The following CFDP1 variants were observed in gnomAD, a reference collection of about 807,000 sequenced individuals.
CFDP1 encodes the protein heterochromatin-stabilizing protein CFDP1.
Under a neutral mutation model 40.1 loss-of-function variants are expected in CFDP1, and 31 were observed. That is an observed-to-expected ratio of 0.77 (90% CI 0.58 to 1.04). The LOEUF (loss-of-function observed/expected upper bound fraction) is 1.04, where lower values mean the gene tolerates loss of function less well. CFDP1 is among the 50% of genes least tolerant of loss of function. CFDP1 has a pLI of 0.00. For synonymous variants in CFDP1, 167 were observed against 120.0 expected (o/e 1.39, Z -2.56); for missense variants, 423 against 343.4 (o/e 1.23, Z -1.83).
At position 75,319,047 on chromosome 16, in the gene CFDP1, CTTTA is replaced by C. The variant is rs1218641777; in HGVS notation, c.651-13869_651-13866del. Among the ~76,000 whole-genome samples, 4 of 151,704 alleles carry C rather than the reference CTTTA, an allele frequency of 2.6e-5. No individual in the cohort carries two copies. In the East Asian group the frequency reaches 5.8e-4, roughly 22 times the overall value. Reference sequence around the variant, plus strand: ...TTACTCCCTCTCAATACCAAACTTACTTTATTTATTTATTTTTTTGAGATGAAGT... The same window carrying C: ...TTACTCCCTCTCAATACCAAACTTACTTTATTTATTTTTTTGAGATGAAGT... On this transcript the variant is annotated intron_variant, in intron 5 of 6. Coordinates refer to ENST00000283882, the MANE Select transcript of CFDP1 (RefSeq NM_006324.3).
At chr16:75,408,657 T>A (rs1460565262) in intron 4 of CFDP1, among the ~76,000 whole-genome samples, 1 of 151,494 alleles carries the variant, frequency 6.6e-6, no homozygotes, top group African/African-American at 2.4e-5. Context: ...GCACCTGTAA[T>A]CCCAGCCACT....
chr16:75,412,536 T>A lies in CFDP1; in HGVS notation c.401A>T (p.Lys134Met), dbSNP rs753409269. The A allele has an allele frequency of 1.2e-6, 2 of 1,612,648 alleles. No homozygotes were observed. The highest frequency in any genetic ancestry group is 1.7e-6 in the Non-Finnish European group (2 of 1,178,620). The change falls in exon 3 of 7, where the codon AAG becomes ATG. Residue 134 changes from lysine (K) to methionine (M), a missense_variant and splice_region_variant. Transcript: ENST00000283882. ...CACCTCACTAATGTCTCAACTTACCTTAACTTGTGTACTTGGGGGCACTTT... is the reference window on the plus strand; with the variant it reads ...CACCTCACTAATGTCTCAACTTACCATAACTTGTGTACTTGGGGGCACTTT... The part of the protein sequence containing the change: ...KSKVPPSTQV[K>M]KGEETEETSS...
chr16:75,398,349 A>C (rs923845513), intron 4 of CFDP1, among the ~76,000 whole-genome samples: 17 of 152,282 alleles, frequency 1.1e-4, no homozygotes, highest in African/African-American at 3.8e-4. Flanking sequence ...GGTTGCCACA[A>C]ATTTCCCATC....
At chr16:75,394,956 T>C (rs1166440991) in intron 5 of CFDP1, 134 bp downstream of exon 5, 16 of 1,110,126 alleles carry the variant, frequency 1.4e-5, no homozygotes, top group African/African-American at 4.7e-5. Flanking sequence ...CTGGTAAATA[T>C]TGCAGCAAAG....
At chr16:75,398,912 C>T (rs1331103238) in intron 4 of CFDP1, among the ~76,000 whole-genome samples, 1 of 152,050 alleles carries the variant, frequency 6.6e-6, no homozygotes, top group Non-Finnish European at 1.5e-5. Context: ...AAAAAATTAG[C>T]CAGGCATGGT....
At chr16:75,307,257 C>G (rs2078265052) in intron 5 of CFDP1, among the ~76,000 whole-genome samples, 1 of 151,632 alleles carries the variant, frequency 6.6e-6, no homozygotes, top group Admixed American at 6.6e-5. Flanking sequence ...CTCTTGTTGC[C>G]CAGGCTGGAG....
chr16:75,331,424 C>A (rs994980035), intron 5 of CFDP1, among the ~76,000 whole-genome samples: 7 of 152,096 alleles, frequency 4.6e-5, no homozygotes, highest in Non-Finnish European at 8.8e-5. Flanking sequence ...GCCTGAAATG[C>A]ACAGATTAAA....
At chr16:75,337,843 G>C in intron 5 of CFDP1, among the ~76,000 whole-genome samples, 1 of 152,134 alleles carries the variant, frequency 6.6e-6, no homozygotes, top group East Asian at 1.9e-4. Context: ...TTTGGGCGGG[G>C]CACTAATCCA....
intron 5 of CFDP1, among the ~76,000 whole-genome samples, chr16:75,311,732 T>C (rs906507697): frequency 1.3e-5 from 2 of 152,086 alleles, no homozygotes; most frequent in African/African-American, 4.8e-5. Flanking sequence ...TTCCTTAGTA[T>C]TTGTCATCTG....
intron 4 of CFDP1, among the ~76,000 whole-genome samples, chr16:75,399,850 C>T (rs2079033506): frequency 6.6e-6 from 1 of 151,994 alleles, no homozygotes; most frequent in Admixed American, 6.6e-5. Flanking sequence ...GCCTGTAACC[C>T]CAGCATTTTG....
At chr16:75,403,885 A>C (rs908114355) in intron 4 of CFDP1, among the ~76,000 whole-genome samples, 1 of 152,056 alleles carries the variant, frequency 6.6e-6, no homozygotes. Context: ...TAATCCCAGC[A>C]CTTTGGGAGG....
At chr16:75,301,085 T>C (rs138344396) in intron 6 of CFDP1, among the ~76,000 whole-genome samples, 59 of 152,254 alleles carry the variant, frequency 3.9e-4, no homozygotes, top group East Asian at 1.2e-3. Flanking sequence ...AGGTCAGTAA[T>C]GGCAGGTGGG....
At chr16:75,303,045 C>T (rs567488611) in intron 6 of CFDP1, among the ~76,000 whole-genome samples, 2 of 152,098 alleles carry the variant, frequency 1.3e-5, no homozygotes, top group East Asian at 3.9e-4. Flanking sequence ...ACTAAAAATA[C>T]AAAAATTAGC....
rs371167718 is a variant in CFDP1 at position 75,352,751 on chromosome 16, T to C, written c.650+42339A>G. 1.3e-4 allele frequency among the ~76,000 whole-genome samples: 20 copies of C among 152,264 alleles called. 3 individuals are homozygous for C. Among genetic ancestry groups the C allele is most frequent in the Admixed American group, 6.5e-4 (10 of 15,288 alleles). ...CTGGTTTTCACTTCCAGTACAGTAT[T>C]TGATAAACTACATAAGATATTCAAC... On this transcript the variant is annotated intron_variant, in intron 5 of 6. Transcript: ENST00000283882.
intron 5 of CFDP1, among the ~76,000 whole-genome samples, chr16:75,349,307 C>T (rs1165666045): frequency 6.6e-6 from 1 of 151,722 alleles, no homozygotes; most frequent in Non-Finnish European, 1.5e-5. Context: ...GAGGGCAGTT[C>T]AGGACCAGCC....
intron 5 of CFDP1, among the ~76,000 whole-genome samples, chr16:75,347,271 G>A (rs1285827936): frequency 1.1e-4 from 16 of 147,436 alleles, no homozygotes; most frequent in Non-Finnish European, 2.2e-4. Context: ...TTGAACCCAG[G>A]AGGCGGAGGT....
intron 5 of CFDP1, among the ~76,000 whole-genome samples, chr16:75,338,080 T>C (rs1172010468): frequency 6.6e-6 from 1 of 152,246 alleles, no homozygotes; most frequent in Non-Finnish European, 1.5e-5. Context: ...TCAAAGGTTC[T>C]GCTCTCTGTT....
intron 1 of CFDP1, among the ~76,000 whole-genome samples, chr16:75,426,304 C>A (rs173526): frequency 0.022 from 3,366 of 152,078 alleles, 57 homozygotes; most frequent in Non-Finnish European, 0.035. Context: ...GAGCCAAGAT[C>A]ATGACATTGC....
chr16:75,370,550 G>T (rs1034492865), intron 5 of CFDP1, among the ~76,000 whole-genome samples: 1 of 152,070 alleles, frequency 6.6e-6, no homozygotes, highest in Non-Finnish European at 1.5e-5. Context: ...AGAACTTAAA[G>T]TATAATAAAA....
Sources: gnomAD v4.1 joint callset for allele counts (sites outside exome capture counted in the v4.1 genomes callset) on GRCh38, gnomAD v4.1.1 for gene constraint, MANE v1.5 for transcripts, NCBI Gene and HGNC (gene_info 2026-07-23, HGNC 2026-07-21) for gene names.